The following CSMD1 variants were observed in gnomAD, a reference collection of about 807,000 sequenced individuals.
CSMD1 encodes the protein CUB and Sushi multiple domains 1.
A neutral mutation model predicts 417.5 loss-of-function variants in CSMD1; 213 were observed. That is an observed-to-expected ratio of 0.51 (90% CI 0.46 to 0.57). The LOEUF is 0.57. CSMD1 is among the 20% of genes least tolerant of loss of function. The pLI is 0.00. For synonymous variants in CSMD1, 2,862 were observed against 1,736.8 expected, an observed-to-expected ratio of 1.65 and a Z score of -16.11; for missense variants, 6,923 against 4,529.7, an observed-to-expected ratio of 1.53 and a Z score of -15.17.
rs539644629 is a variant in CSMD1, at chr8:4,454,044, G to C, written c.303-33979C>G. Reference sequence around the variant, plus strand: ...TCACCGTGTTAGCCGGGATGGTCTCGATCTCCTGACCTCGTGATCCGCCCG... The same window carrying C: ...TCACCGTGTTAGCCGGGATGGTCTCCATCTCCTGACCTCGTGATCCGCCCG... On this transcript the variant is annotated intron_variant, in intron 2 of 69. Coordinates refer to ENST00000635120, the MANE Select transcript of CSMD1 (RefSeq NM_033225.6). 8.9e-4 allele frequency among the ~76,000 whole-genome samples: 135 copies of C among 151,848 alleles called. No homozygotes were observed. In the East Asian group the frequency reaches 9.4e-3, roughly 11 times the overall value.
At chr8:4,465,919 G>A (rs556760563) in intron 2 of CSMD1, among the ~76,000 whole-genome samples, 16 of 152,292 alleles carry the variant, frequency 1.1e-4, no homozygotes, top group African/African-American at 3.8e-4. Flanking sequence ...AGCCATAGAA[G>A]AAGGAAAAGT....
At chr8:3,732,701 TA>T (rs1189209650) in intron 6 of CSMD1, among the ~76,000 whole-genome samples, 1 of 152,048 alleles carries the variant, frequency 6.6e-6, no homozygotes, top group Non-Finnish European at 1.5e-5. Flanking sequence ...AAAAGAAAAG[TA>T]AAAAATGCCC....
intron 1 of CSMD1, among the ~76,000 whole-genome samples, chr8:4,668,464 ATT>A (rs1192101176): frequency 7.2e-6 from 1 of 139,472 alleles, no homozygotes; most frequent in African/African-American, 2.7e-5. Context: ...TATTATTATT[ATT>A]TGAGATGGAG....
intron 10 of CSMD1, among the ~76,000 whole-genome samples, chr8:3,532,387 T>G (rs979058420): frequency 6.6e-6 from 1 of 151,970 alleles, no homozygotes; most frequent in Non-Finnish European, 1.5e-5. Flanking sequence ...TATGAGCGAG[T>G]GGTGAGGATG....
intron 59 of CSMD1, among the ~76,000 whole-genome samples, chr8:2,963,842 G>A (rs1179373749): frequency 2.6e-5 from 4 of 152,198 alleles, no homozygotes; most frequent in African/African-American, 9.6e-5. Flanking sequence ...AAAAGACACA[G>A]TCGGTCCATC....
chr8:4,080,452 T>A (rs1242639457), intron 3 of CSMD1, among the ~76,000 whole-genome samples: 1 of 152,216 alleles, frequency 6.6e-6, no homozygotes, highest in Non-Finnish European at 1.5e-5. Flanking sequence ...ATGTGTTACA[T>A]ATGATCAATA....
chr8:4,751,042 G>A (rs1811292512), intron 1 of CSMD1, among the ~76,000 whole-genome samples: 1 of 152,160 alleles, frequency 6.6e-6, no homozygotes, highest in African/African-American at 2.4e-5. Flanking sequence ...AAATCTTTCA[G>A]GAGGTTCCTC....
intron 3 of CSMD1, among the ~76,000 whole-genome samples, chr8:4,131,331 C>T (rs1261857845): frequency 6.6e-6 from 1 of 152,138 alleles, no homozygotes; most frequent in Non-Finnish European, 1.5e-5. Flanking sequence ...ACTGTGCTTT[C>T]ATCTTCCACT....
intron 7 of CSMD1, among the ~76,000 whole-genome samples, chr8:3,703,471 CATTCA>C (rs1800989163): frequency 6.7e-6 from 1 of 150,232 alleles, no homozygotes; most frequent in Non-Finnish European, 1.5e-5. Flanking sequence ...TTCATTCATT[CATTCA>C]TTCATCAGTA....
intron 3 of CSMD1, among the ~76,000 whole-genome samples, chr8:4,120,891 C>T (rs1196811297): frequency 6.6e-6 from 1 of 152,046 alleles, no homozygotes; most frequent in East Asian, 1.9e-4. Context: ...TGTTTATACA[C>T]CATGGAATTT....
At chr8:4,895,375 G>C (rs1296703371) in intron 1 of CSMD1, among the ~76,000 whole-genome samples, 1 of 152,098 alleles carries the variant, frequency 6.6e-6, no homozygotes, top group Non-Finnish European at 1.5e-5. Context: ...GTTTAGCTCA[G>C]TATGATGCAC....
intron 1 of CSMD1, among the ~76,000 whole-genome samples, chr8:4,990,040 T>TTC (rs1219011196): frequency 1.3e-5 from 2 of 152,156 alleles, no homozygotes; most frequent in Non-Finnish European, 2.9e-5. Context: ...AAAATAGCCA[T>TTC]TCTCTCTCTT....
chr8:4,610,141 T>A (rs1264709081), intron 2 of CSMD1, among the ~76,000 whole-genome samples: 1 of 147,408 alleles, frequency 6.8e-6, no homozygotes, highest in Non-Finnish European at 1.5e-5. Context: ...GACTAATAGG[T>A]TATGAACACC....
intron 1 of CSMD1, among the ~76,000 whole-genome samples, chr8:4,977,435 G>T (rs567597128): frequency 6.6e-6 from 1 of 152,124 alleles, no homozygotes; most frequent in South Asian, 2.1e-4. Flanking sequence ...TGAGGGGTGG[G>T]TGCATGTCCA....
At chr8:3,097,291 T>C (rs1167172123) in intron 46 of CSMD1, among the ~76,000 whole-genome samples, 3 of 152,130 alleles carry the variant, frequency 2.0e-5, no homozygotes, top group Admixed American at 2.0e-4. Flanking sequence ...CCCACACACC[T>C]TAATTTGGGG....
At chr8:4,189,685 A>T (rs1489188806) in intron 3 of CSMD1, among the ~76,000 whole-genome samples, 2 of 152,164 alleles carry the variant, frequency 1.3e-5, no homozygotes, top group African/African-American at 4.8e-5. Flanking sequence ...ATTTGAACGG[A>T]AAGAGTGTTG....
At chr8:3,230,432 C>T (rs1798767682) in intron 26 of CSMD1, among the ~76,000 whole-genome samples, 1 of 152,172 alleles carries the variant, frequency 6.6e-6, no homozygotes. Flanking sequence ...ATTGCATAAA[C>T]TCTAGCAAGA....
intron 2 of CSMD1, among the ~76,000 whole-genome samples, chr8:4,559,916 C>T (rs764433097): frequency 1.3e-5 from 2 of 152,198 alleles, no homozygotes; most frequent in Non-Finnish European, 2.9e-5. Flanking sequence ...TCTCATGACC[C>T]TGGGTTTCCT....
intron 3 of CSMD1, among the ~76,000 whole-genome samples, chr8:4,336,582 T>A (rs960392919): frequency 6.6e-6 from 1 of 152,314 alleles, no homozygotes; most frequent in African/African-American, 2.4e-5. Flanking sequence ...TGGTGAAGCA[T>A]GAATTTATTT....
Sources: gnomAD v4.1 joint callset for allele counts (sites outside exome capture counted in the v4.1 genomes callset) on GRCh38, gnomAD v4.1.1 for gene constraint, MANE v1.5 for transcripts, NCBI Gene and HGNC (gene_info 2026-07-23, HGNC 2026-07-21) for gene names.